BMPER: variants seen among roughly 807,000 people sequenced by gnomAD.
The protein encoded by BMPER is BMP-binding endothelial regulator protein.
BMPER carries 45 observed loss-of-function variants against 87.3 expected under a neutral mutation model. The ratio of observed to expected loss-of-function variants is 0.52; its 90% CI spans 0.41 to 0.66. BMPER has a LOEUF of 0.66. BMPER is among the 30% of genes least tolerant of loss of function. The pLI, the probability that BMPER is intolerant of heterozygous loss-of-function variation, is 0.00. For synonymous variants in BMPER, 326 were observed against 316.2 expected (o/e 1.03, Z -0.33); for missense variants, 784 against 867.5 (o/e 0.90, Z 1.21).
intron 4 of BMPER, among the ~76,000 whole-genome samples, chr7:33,968,712 C>T (rs1394266049): frequency 6.6e-6 from 1 of 152,174 alleles, no homozygotes; most frequent in African/African-American, 2.4e-5. Context: ...AGACAGATGA[C>T]AGGAAGTCTA....
At chr7:34,147,317 A>T (rs1791055063) in intron 14 of BMPER, among the ~76,000 whole-genome samples, 1 of 152,184 alleles carries the variant, frequency 6.6e-6, no homozygotes, top group Non-Finnish European at 1.5e-5. Context: ...GGATGTGGAG[A>T]TGGTTGAGTT....
intron 3 of BMPER, among the ~76,000 whole-genome samples, chr7:33,937,819 G>A (rs574612774): frequency 5.9e-5 from 9 of 151,946 alleles, no homozygotes; most frequent in Admixed American, 4.6e-4. Context: ...TATCATTTTC[G>A]TCCTCATTAA....
intron 13 of BMPER, among the ~76,000 whole-genome samples, chr7:34,102,392 T>A (rs992505734): frequency 7.2e-5 from 11 of 152,304 alleles, no homozygotes; most frequent in African/African-American, 2.4e-4. Flanking sequence ...GTGGTCAAAA[T>A]TCTGCAGGCA....
chr7:34,113,989 A>G (rs1242022999), intron 13 of BMPER, among the ~76,000 whole-genome samples: 1 of 152,192 alleles, frequency 6.6e-6, no homozygotes, highest in African/African-American at 2.4e-5. Context: ...CTTCTCTCTT[A>G]CTGACAGCAT....
intron 6 of BMPER, among the ~76,000 whole-genome samples, chr7:34,010,024 A>G (rs1382967665): frequency 6.6e-6 from 1 of 151,930 alleles, no homozygotes; most frequent in Non-Finnish European, 1.5e-5. Flanking sequence ...TCAGTGGGTT[A>G]AACAATTACT....
intron 13 of BMPER, among the ~76,000 whole-genome samples, chr7:34,102,222 G>T (rs34427715): frequency 2.0e-5 from 3 of 151,884 alleles, no homozygotes; most frequent in African/African-American, 7.3e-5. Context: ...AGTTCCTCAT[G>T]GTTATAGCTT....
At chr7:34,077,747 C>G (rs1185177855) in intron 11 of BMPER, among the ~76,000 whole-genome samples, 1 of 152,204 alleles carries the variant, frequency 6.6e-6, no homozygotes, top group Admixed American at 6.5e-5. Context: ...CCCCTTGGTG[C>G]TATCAGATCA....
intron 2 of BMPER, among the ~76,000 whole-genome samples, chr7:33,914,055 G>A (rs6952450): frequency 0.02 from 3,049 of 150,690 alleles, 100 homozygotes; most frequent in African/African-American, 0.068. Flanking sequence ...TCCGCCTCCC[G>A]GGTTCGCGCC....
chr7:33,993,163 C>G (rs892794585), intron 6 of BMPER, among the ~76,000 whole-genome samples: 14 of 147,182 alleles, frequency 9.5e-5, no homozygotes, highest in African/African-American at 3.3e-4. Flanking sequence ...GAATGTTGGC[C>G]TGCCTTGCTA....
Position 34,153,152 on chromosome 7 carries a change from G to A in BMPER, c.1937G>A (p.Cys646Tyr). The change falls in exon 15 of 15, where the codon TGT (cysteine) becomes TAT (tyrosine). Residue 646 changes from cysteine to tyrosine, a missense_variant. Cys to Tyr is a radical substitution (Grantham distance 194). Transcript: ENST00000649409. ...TGTGGTCCGGGATGTATCAAGACGT[G>A]TGACAACTGGAATGAAATTGGTCCA... ...DTCGPGCIKTCDNWNEIGPCN... is the reference protein window; with the variant it reads ...DTCGPGCIKTYDNWNEIGPCN... 6.2e-7 allele frequency: 1 copy of A among 1,614,032 alleles called. No individual in the cohort carries two copies. Among genetic ancestry groups the A allele is most frequent in the East Asian group, 2.2e-5 (1 of 44,874 alleles).
rs530476802 is a variant in BMPER at position 33,910,499 on chromosome 7, G to A, written c.219+3596G>A. ...TAACTGTAGAATAGGAGGACATGGCGGGAGCCAGTGAGTTGGGCCCAGTAC... is the reference window on the plus strand; with the variant it reads ...TAACTGTAGAATAGGAGGACATGGCAGGAGCCAGTGAGTTGGGCCCAGTAC... On this transcript the variant is annotated intron_variant, in intron 2 of 14. Coordinates refer to ENST00000649409, the MANE Select transcript of BMPER (RefSeq NM_001365308.1). 3.3e-5 allele frequency among the ~76,000 whole-genome samples: 5 copies of A among 152,328 alleles called. No individual in the cohort carries two copies. The South Asian group carries it at 6.2e-4, about 19-fold the overall frequency.
At chr7:34,121,659 G>A (rs942064758) in intron 13 of BMPER, among the ~76,000 whole-genome samples, 26 of 152,170 alleles carry the variant, frequency 1.7e-4, no homozygotes, top group African/African-American at 6.0e-4. Context: ...TGTTATTATT[G>A]ACTTGACTCT....
intron 3 of BMPER, among the ~76,000 whole-genome samples, chr7:33,949,170 T>G (rs1274605215): frequency 6.6e-6 from 1 of 152,120 alleles, no homozygotes; most frequent in African/African-American, 2.4e-5. Context: ...TCACTAGTAC[T>G]CATGACTGCT....
intron 6 of BMPER, among the ~76,000 whole-genome samples, chr7:34,009,023 T>C (rs539830036): frequency 6.6e-6 from 1 of 151,878 alleles, no homozygotes; most frequent in East Asian, 2.0e-4. Flanking sequence ...GGGGTCTCAC[T>C]ATGTTGCCCA....
intron 2 of BMPER, among the ~76,000 whole-genome samples, chr7:33,932,768 G>A (rs946608060): frequency 2.0e-5 from 3 of 151,772 alleles, no homozygotes; most frequent in African/African-American, 4.8e-5. Flanking sequence ...AATACTTTTC[G>A]TATTCCATAA....
intron 6 of BMPER, 106 bp downstream of exon 6, chr7:33,974,890 G>A: frequency 8.7e-7 from 1 of 1,150,184 alleles, no homozygotes; most frequent in South Asian, 1.2e-5. Flanking sequence ...TCTCCTCTCT[G>A]GGTAAAAGTC....
At chr7:34,145,853 G>C (rs1791002970) in intron 14 of BMPER, among the ~76,000 whole-genome samples, 1 of 152,104 alleles carries the variant, frequency 6.6e-6, no homozygotes, top group South Asian at 2.1e-4. Context: ...TTTCATGTCA[G>C]CATCTTCATT....
intron 6 of BMPER, among the ~76,000 whole-genome samples, chr7:34,035,582 A>G (rs766266014): frequency 3.9e-5 from 6 of 152,218 alleles, no homozygotes; most frequent in Non-Finnish European, 7.4e-5. Flanking sequence ...TCATGTCAAG[A>G]TAACAGATAT....
intron 13 of BMPER, among the ~76,000 whole-genome samples, chr7:34,115,252 ATTATT>A (rs1201605939): frequency 6.6e-6 from 1 of 152,230 alleles, no homozygotes; most frequent in Non-Finnish European, 1.5e-5. Context: ...AAATACAATG[ATTATT>A]TTAGGAGAGA....
Sources: gnomAD v4.1 joint callset for allele counts (sites outside exome capture counted in the v4.1 genomes callset) on GRCh38, gnomAD v4.1.1 for gene constraint, MANE v1.5 for transcripts, NCBI Gene and HGNC (gene_info 2026-07-23, HGNC 2026-07-21) for gene names.